Variants in ARMH1 observed in about 807,000 individuals in gnomAD.
ARMH1 encodes armadillo like helical domain containing 1.
A neutral mutation model predicts 50.2 loss-of-function variants in ARMH1; 34 were observed. That is an observed-to-expected ratio of 0.68 (90% CI 0.51 to 0.90). ARMH1 has a LOEUF of 0.90. Among genes scored for constraint, ARMH1 ranks in the 40% least tolerant of loss-of-function variants. ARMH1 has a pLI of 0.00. For synonymous variants in ARMH1, 221 were observed against 224.2 expected, an observed-to-expected ratio of 0.99 and a Z score of 0.13; for missense variants, 538 against 553.9, an observed-to-expected ratio of 0.97 and a Z score of 0.29.
Position 44,677,647 on chromosome 1 carries a change from A to G in ARMH1, c.-23+2774A>G, listed in dbSNP as rs552019054. Among the ~76,000 whole-genome samples the G allele has an allele frequency of 6.6e-5, 10 of 152,292 alleles. No individual in the cohort carries two copies. The East Asian group carries it at 1.5e-3, about 24-fold the overall frequency. On this transcript the variant is annotated intron_variant, in intron 1 of 11. Coordinates refer to ENST00000535358, the MANE Select transcript of ARMH1 (RefSeq NM_001145636.2). ...CCGTGGGAGTCAGTGACCAAAGTGG[A>G]GTACAGGAGACAGTCAGGATGCTGA...
At chr1:44,703,545 A>G (rs1646189207) in intron 5 of ARMH1, among the ~76,000 whole-genome samples, 1 of 142,790 alleles carries the variant, frequency 7.0e-6, no homozygotes, top group Non-Finnish European at 1.5e-5. Flanking sequence ...CAACATGGGG[A>G]AACTCCGTCT....
intron 4 of ARMH1, among the ~76,000 whole-genome samples, chr1:44,698,831 A>G (rs556527603): frequency 1.3e-5 from 2 of 150,080 alleles, no homozygotes; most frequent in African/African-American, 2.4e-5. Context: ...AAAAAAAGAA[A>G]TTGAATTATG....
At position 44,724,025 on chromosome 1, in the gene ARMH1, G is replaced by C; in HGVS notation, c.725-97G>C. On this transcript the variant is annotated intron_variant, in intron 6 of 11. Transcript: ENST00000535358. This position sits in a 1 kb window ranked among gnomAD's most constrained non-coding sequence, Gnocchi z 6.4. ...CACAGTGCTGATCAGTAAAAGAGGA[G>C]GACACTGACGAGTGGCGACTTGGTT... The C allele has an allele frequency of 6.9e-7, 1 of 1,444,860 alleles. No homozygotes were observed. Among genetic ancestry groups the C allele is most frequent in the South Asian group, 1.4e-5 (1 of 73,130 alleles). The allele number at this position is 1,444,860 out of a possible 1,614,324, so 89.5% of individuals were successfully genotyped here. A position where few individuals can be genotyped will look rare whatever the true frequency, so the allele number is the denominator to read the frequency against.
intron 3 of ARMH1, among the ~76,000 whole-genome samples, chr1:44,697,670 G>C (rs569557761): frequency 2.8e-4 from 42 of 152,186 alleles, no homozygotes; most frequent in Admixed American, 2.0e-3. Context: ...AAAGTCCCAG[G>C]CTTTGAGCCT....
chr1:44,718,835 AC>A (rs1557562407), intron 6 of ARMH1, among the ~76,000 whole-genome samples: 1 of 151,800 alleles, frequency 6.6e-6, no homozygotes, highest in Non-Finnish European at 1.5e-5. Context: ...GACCAGCCTG[AC>A]CACCATGGAG....
At chr1:44,721,513 T>C (rs74070585) in intron 6 of ARMH1, among the ~76,000 whole-genome samples, 1 of 149,018 alleles carries the variant, frequency 6.7e-6, no homozygotes, top group Admixed American at 6.7e-5. Context: ...GGTTTTCTTT[T>C]AAAAAAAAAA....
At chr1:44,695,178 G>A (rs922087261) in intron 2 of ARMH1, among the ~76,000 whole-genome samples, 2 of 152,140 alleles carry the variant, frequency 1.3e-5, no homozygotes, top group East Asian at 1.9e-4. Context: ...TTCAAATCCC[G>A]GTTCCAGCAG....
chr1:44,719,023 C>CG (rs1313799907), intron 6 of ARMH1, among the ~76,000 whole-genome samples: 8 of 83,078 alleles, frequency 9.6e-5, no homozygotes, highest in South Asian at 7.1e-4. Context: ...GAAACTGTCT[C>CG]GGAAAAAAAA....
At chr1:44,691,253 A>G (rs911397056) in intron 2 of ARMH1, among the ~76,000 whole-genome samples, 26 of 151,916 alleles carry the variant, frequency 1.7e-4, no homozygotes, top group African/African-American at 5.6e-4. Flanking sequence ...GACAGACTCC[A>G]TCTCAAAACA....
Position 44,724,368 on chromosome 1 carries a change from A to G in ARMH1, c.896A>G (p.Gln299Arg). Residue 299 changes from glutamine (Q) to arginine (R), a missense_variant, in exon 8 of 12, where the codon CAG becomes CGG. Transcript: ENST00000535358. This position sits in a 1 kb window ranked among gnomAD's most constrained non-coding sequence, Gnocchi z 6.4. The part of the protein sequence containing the change: ...LTPSLPMFLQ[Q>R]AAAAKAIGVL... ...CCCAGCCTGCCGATGTTTTTGCAGC[A>G]GGCCGCGGCCGCCAAGGCCATCGGG... is the stretch of plus-strand genomic sequence containing the variant. 2 of 1,551,114 alleles carry G rather than the reference A, an allele frequency of 1.3e-6. No homozygotes were observed. The highest frequency in any genetic ancestry group is 1.7e-6 in the Non-Finnish European group (2 of 1,146,942).
intron 6 of ARMH1, among the ~76,000 whole-genome samples, chr1:44,720,391 T>C (rs951923947): frequency 5.3e-5 from 8 of 152,028 alleles, no homozygotes; most frequent in African/African-American, 1.9e-4. Context: ...AGCGTGGTCC[T>C]AGGCTGCCAT....
At chr1:44,713,039 C>T (rs1446060819) in intron 6 of ARMH1, among the ~76,000 whole-genome samples, 3 of 140,548 alleles carry the variant, frequency 2.1e-5, no homozygotes, top group African/African-American at 8.0e-5. Flanking sequence ...TTTTTTAAGA[C>T]GGAGTCTCGC....
chr1:44,721,295 T>A (rs1647106089), intron 6 of ARMH1, among the ~76,000 whole-genome samples: 1 of 152,134 alleles, frequency 6.6e-6, no homozygotes, highest in African/African-American at 2.4e-5. Flanking sequence ...CCCAGGTACC[T>A]GATAAAAACA....
At position 44,725,333 on chromosome 1, in the gene ARMH1, A is replaced by G. The variant is rs1480169570; in HGVS notation, c.1253A>G (p.Tyr418Cys). 4 of 1,551,566 alleles carry G rather than the reference A, an allele frequency of 2.6e-6. No individual in the cohort carries two copies. In the Admixed American group the frequency reaches 7.8e-5, roughly 30 times the overall value. ...HGSSYSMNTLYGSRDSAQMAY... is the reference protein window; with the variant it reads ...HGSSYSMNTLCGSRDSAQMAY... The stretch of plus-strand genomic sequence containing the variant: ...AGCTCCTACAGCATGAACACTCTCT[A>G]TGGCTCGCGCGATTCGGCTCAGATG... The change falls in exon 12 of 12, where the codon TAT becomes TGT. Residue 418 changes from tyrosine (Y) to cysteine (C), a missense_variant. Tyr to Cys is a radical substitution (Grantham distance 194). Transcript: ENST00000535358.
rs1435504190 is a variant in ARMH1, at chr1:44,694,144, A to T, written c.207-2958A>T. 2.0e-5 allele frequency among the ~76,000 whole-genome samples: 3 copies of T among 152,228 alleles called. No homozygotes were observed. In the East Asian group the frequency reaches 5.8e-4, roughly 29 times the overall value. ...CAGTCAGTGCTTACTAAATGAATGA[A>T]CCATGCTTTTACTGAACAGTTGTAG... On this transcript the variant is annotated intron_variant, in intron 2 of 11. Transcript: ENST00000535358.
At chr1:44,720,297 G>A (rs1198461339) in intron 6 of ARMH1, among the ~76,000 whole-genome samples, 2 of 151,756 alleles carry the variant, frequency 1.3e-5, no homozygotes, top group African/African-American at 2.4e-5. Flanking sequence ...AGCTAGGAAA[G>A]TTCTGTAGCT....
intron 6 of ARMH1, among the ~76,000 whole-genome samples, chr1:44,718,763 G>T (rs1646953885): frequency 6.6e-6 from 1 of 152,186 alleles, no homozygotes; most frequent in Non-Finnish European, 1.5e-5. Flanking sequence ...GGTGGCCCAT[G>T]CTTGTAATCC....
rs548305183 is a variant in ARMH1 at position 44,700,496 on chromosome 1, G to A, written c.443-427G>A. ...CCAGGCCTGGTGGCACACACCTGTA[G>A]TCCCAGCTACCTGGGAGGCTGAGGC... is the stretch of plus-strand genomic sequence containing the variant. On this transcript the variant is annotated intron_variant, in intron 4 of 11. Transcript: ENST00000535358. Among the ~76,000 whole-genome samples the A allele has an allele frequency of 6.6e-5, 10 of 151,654 alleles. No individual in the cohort carries two copies. In the South Asian group the frequency reaches 8.3e-4, roughly 13 times the overall value.
intron 6 of ARMH1, among the ~76,000 whole-genome samples, chr1:44,706,653 A>AT (rs1267071785): frequency 1.3e-5 from 2 of 152,110 alleles, no homozygotes; most frequent in Admixed American, 6.5e-5. Context: ...TCGGTTTTGT[A>AT]TTTTTTGACC....
Sources: allele counts gnomAD v4.1 joint callset (sites outside exome capture counted in the v4.1 genomes callset), GRCh38; gene constraint gnomAD v4.1.1; non-coding constraint Gnocchi (gnomAD v3.1); transcripts MANE v1.5; gene names NCBI Gene and HGNC (gene_info 2026-07-23, HGNC 2026-07-21).